The following UMAD1 variants were observed in gnomAD, a reference collection of about 807,000 sequenced individuals.
The protein encoded by UMAD1 is UBAP1-MVB12-associated (UMA) domain containing 1.
In UMAD1, 8 loss-of-function variants were observed where a neutral mutation model predicts 6.1. That is an observed-to-expected ratio of 1.30 (90% CI 0.76 to 2.35). UMAD1 has a LOEUF of 2.35. Ranked by LOEUF, UMAD1 falls within the 30% of genes most tolerant of loss-of-function variation. UMAD1 has a pLI of 0.00. For missense variants in UMAD1, 130 were observed against 78.4 expected, an observed-to-expected ratio of 1.66 and a Z score of -2.49; for synonymous variants, 56 against 31.4, an observed-to-expected ratio of 1.78 and a Z score of -2.61.
At chr7:7,741,689 A>G (rs994408071) in intron 2 of UMAD1, among the ~76,000 whole-genome samples, 3 of 151,510 alleles carry the variant, frequency 2.0e-5, no homozygotes, top group African/African-American at 4.8e-5. Flanking sequence ...CTCCCTGCTT[A>G]TTGAACCAAC....
intron 2 of UMAD1, among the ~76,000 whole-genome samples, chr7:7,790,180 A>G (rs889553540): frequency 6.6e-6 from 1 of 152,154 alleles, no homozygotes; most frequent in Non-Finnish European, 1.5e-5. Flanking sequence ...TTTGATTCTT[A>G]GGCCTTTCAC....
intron 2 of UMAD1, chr7:7,689,587 T>C (rs1197120060): frequency 6.6e-6 from 1 of 152,184 alleles, no homozygotes; most frequent in Non-Finnish European, 1.5e-5. Flanking sequence ...TGGATAATCT[T>C]TTCTTGGTAG....
intron 2 of UMAD1, among the ~76,000 whole-genome samples, chr7:7,779,079 T>C (rs185421670): frequency 6.6e-6 from 1 of 152,308 alleles, no homozygotes; most frequent in East Asian, 1.9e-4. Flanking sequence ...GTAGAAATGC[T>C]ACTTGCCACC....
At chr7:7,710,513 T>A (rs2115168836) in intron 2 of UMAD1, among the ~76,000 whole-genome samples, 1 of 152,314 alleles carries the variant, frequency 6.6e-6, no homozygotes, top group East Asian at 1.9e-4. Context: ...GATAGGTCTC[T>A]ACAAACCTGT....
At chr7:7,773,106 A>G (rs1782134619) in intron 2 of UMAD1, among the ~76,000 whole-genome samples, 1 of 152,186 alleles carries the variant, frequency 6.6e-6, no homozygotes, top group African/African-American at 2.4e-5. Flanking sequence ...GGTTTTAAAG[A>G]TGATTTAGTT....
chr7:7,662,124 C>G (rs1171846203), intron 1 of UMAD1, among the ~76,000 whole-genome samples: 2 of 152,088 alleles, frequency 1.3e-5, no homozygotes, highest in African/African-American at 4.8e-5. Flanking sequence ...GGAAAACGGC[C>G]CACTCAAGCC....
At chr7:7,664,123 T>C (rs1481508254) in intron 1 of UMAD1, among the ~76,000 whole-genome samples, 1 of 152,250 alleles carries the variant, frequency 6.6e-6, no homozygotes, top group Non-Finnish European at 1.5e-5. Context: ...TTTTACATAA[T>C]AGCTGGATTT....
intron 2 of UMAD1, among the ~76,000 whole-genome samples, chr7:7,797,934 G>A (rs1436570794): frequency 6.6e-6 from 1 of 152,100 alleles, no homozygotes; most frequent in African/African-American, 2.4e-5. Context: ...TGATCCACCT[G>A]CCTGAGCCTC....
chr7:7,773,558 T>TAA (rs527959541), intron 2 of UMAD1, among the ~76,000 whole-genome samples: 101 of 151,010 alleles, frequency 6.7e-4, no homozygotes, highest in Admixed American at 1.2e-3. Flanking sequence ...GCTTAATTTC[T>TAA]AAAAAAAAAC....
At chr7:7,825,829 C>T (rs1196445778) in intron 3 of UMAD1, among the ~76,000 whole-genome samples, 1 of 151,952 alleles carries the variant, frequency 6.6e-6, no homozygotes, top group Non-Finnish European at 1.5e-5. Flanking sequence ...TATAATTGTC[C>T]CTCAGTATAT....
intron 3 of UMAD1, among the ~76,000 whole-genome samples, chr7:7,825,927 A>G (rs1783331418): frequency 6.6e-6 from 1 of 152,166 alleles, no homozygotes; most frequent in Non-Finnish European, 1.5e-5. Context: ...TATGCATATA[A>G]CTTACACACA....
intron 2 of UMAD1, among the ~76,000 whole-genome samples, chr7:7,724,089 C>T (rs1330406166): frequency 2.0e-5 from 3 of 152,134 alleles, no homozygotes; most frequent in Non-Finnish European, 2.9e-5. Context: ...ATTATACTAC[C>T]GACAATTTAT....
At position 7,673,347 on chromosome 7, in the gene UMAD1, A is replaced by G; in HGVS notation, c.-25A>G. 7.8e-7 allele frequency: 1 copy of G among 1,276,284 alleles called. No homozygotes were observed. Among genetic ancestry groups the G allele is most frequent in the Non-Finnish European group, 1.1e-6 (1 of 908,492 alleles). 79.1% of individuals were successfully genotyped at this position (1,276,284 alleles called of 1,614,324 possible). A position where few individuals can be genotyped will look rare whatever the true frequency, so the allele number is the denominator to read the frequency against. ...CAGCAGCAGCAGCAGCAGCAGCAGC[A>G]GCAGCAGCAGCAGCAGCAGCAGCAA... On this transcript the variant is annotated 5_prime_UTR_variant, in exon 2 of 4. Transcript: ENST00000682710.
chr7:7,689,021 T>C (rs1780107591), intron 2 of UMAD1, among the ~76,000 whole-genome samples: 1 of 152,210 alleles, frequency 6.6e-6, no homozygotes, highest in Non-Finnish European at 1.5e-5. Context: ...CCTGCCTTAC[T>C]CTGGGGAGGA....
At chr7:7,807,217 T>C (rs1354887954) in intron 3 of UMAD1, among the ~76,000 whole-genome samples, 1 of 152,148 alleles carries the variant, frequency 6.6e-6, no homozygotes, top group African/African-American at 2.4e-5. Flanking sequence ...GGAAGAAGGA[T>C]ATTGTCTGGG....
chr7:7,676,868 G>A (rs1779754039), intron 2 of UMAD1, among the ~76,000 whole-genome samples: 1 of 152,040 alleles, frequency 6.6e-6, no homozygotes, highest in South Asian at 2.1e-4. Flanking sequence ...TGTCTTTAAA[G>A]TTATAGTTAA....
At chr7:7,728,763 A>G (rs1190102397) in intron 2 of UMAD1, among the ~76,000 whole-genome samples, 4 of 152,192 alleles carry the variant, frequency 2.6e-5, no homozygotes, top group Non-Finnish European at 5.9e-5. Context: ...GAATAGTATT[A>G]AGATTCCAGT....
rs148535429 is a variant in UMAD1 at position 7,797,648 on chromosome 7, C to G, written c.83-4022C>G. 3.5e-3 allele frequency among the ~76,000 whole-genome samples: 532 copies of G among 152,210 alleles called. 2 individuals are homozygous for G. Among genetic ancestry groups the G allele is most frequent in the Middle Eastern group, 0.027 (8 of 292 alleles). The stretch of plus-strand genomic sequence containing the variant: ...GGGATCATGATGATACTCTAATGAC[C>G]ATTCCTTTCTCACATCCTTATATAG... On this transcript the variant is annotated intron_variant, in intron 2 of 3. Transcript: ENST00000682710.
intron 2 of UMAD1, among the ~76,000 whole-genome samples, chr7:7,707,879 C>T (rs2115164986): frequency 6.6e-6 from 1 of 152,276 alleles, no homozygotes; most frequent in South Asian, 2.1e-4. Flanking sequence ...AGCTGTAAAA[C>T]CCAAACATTG....
Sources: gnomAD v4.1 joint callset for allele counts (sites outside exome capture counted in the v4.1 genomes callset) on GRCh38, gnomAD v4.1.1 for gene constraint, MANE v1.5 for transcripts, NCBI Gene and HGNC (gene_info 2026-07-23, HGNC 2026-07-21) for gene names.